PLXDC2: variants seen among roughly 807,000 people sequenced by gnomAD.
The protein encoded by PLXDC2 is plexin domain-containing protein 2.
Under a neutral mutation model 68.9 loss-of-function variants are expected in PLXDC2, and 40 were observed. The observed-to-expected ratio is 0.58, with a 90% CI of 0.45 to 0.76. The LOEUF (loss-of-function observed/expected upper bound fraction) is 0.76. Among genes scored for constraint, PLXDC2 ranks in the 30% least tolerant of loss-of-function variants. The pLI is 0.00. For missense variants in PLXDC2, 644 were observed against 661.9 expected (o/e 0.97, Z 0.30); for synonymous variants, 243 against 234.2 (o/e 1.04, Z -0.34).
Position 19,822,114 on chromosome 10 carries a change from A to G in PLXDC2, c.112+4923A>G, listed in dbSNP as rs572489390. On this transcript the variant is annotated intron_variant, in intron 1 of 13. Coordinates refer to ENST00000377252, the MANE Select transcript of PLXDC2 (RefSeq NM_032812.9). Reference sequence around the variant, plus strand: ...TAGCAAGATCTTCTTTTTTAAAGCTAAATAATATTCCATTGTGCATATATA... The same window carrying G: ...TAGCAAGATCTTCTTTTTTAAAGCTGAATAATATTCCATTGTGCATATATA... Among the ~76,000 whole-genome samples the G allele has an allele frequency of 2.6e-5, 4 of 151,402 alleles. No homozygotes were observed. In the East Asian group the frequency reaches 7.7e-4, roughly 29 times the overall value.
At chr10:19,856,366 A>G (rs1837212571) in intron 1 of PLXDC2, among the ~76,000 whole-genome samples, 1 of 133,400 alleles carries the variant, frequency 7.5e-6, no homozygotes, top group South Asian at 2.3e-4. Context: ...ACACACACAA[A>G]CACACACACA....
intron 13 of PLXDC2, among the ~76,000 whole-genome samples, chr10:20,264,305 G>C (rs1474319547): frequency 6.6e-6 from 1 of 152,050 alleles, no homozygotes; most frequent in Admixed American, 6.6e-5. Context: ...TAGACACTGG[G>C]GTCTGCTTGA....
chr10:19,909,088 C>T lies in PLXDC2; in HGVS notation c.112+91897C>T, dbSNP rs144413054. 1.1e-3 allele frequency among the ~76,000 whole-genome samples: 171 copies of T among 152,232 alleles called. 5 individuals carry two copies. The East Asian group carries it at 0.032, about 29-fold the overall frequency. ...CATTCTGGTGTGTATATCAACCTCT[C>T]ATGAATTTAGATAGTGTGAGTTACT... is the stretch of plus-strand genomic sequence containing the variant. On this transcript the variant is annotated intron_variant, in intron 1 of 13. Coordinates refer to ENST00000377252, the MANE Select transcript of PLXDC2 (RefSeq NM_032812.9).
intron 1 of PLXDC2, among the ~76,000 whole-genome samples, chr10:19,942,207 C>A (rs1833831399): frequency 6.6e-6 from 1 of 152,080 alleles, no homozygotes; most frequent in Non-Finnish European, 1.5e-5. Flanking sequence ...ATTAGAGATG[C>A]AGTTGAAAAG....
intron 12 of PLXDC2, among the ~76,000 whole-genome samples, chr10:20,220,010 C>A (rs6482103): frequency 0.87 from 131,713 of 152,094 alleles, 57,635 homozygotes; most frequent in Middle Eastern, 0.95. Flanking sequence ...CCTTTTTAGG[C>A]CATTGTTTAT....
At chr10:19,872,672 G>A (rs1265203825) in intron 1 of PLXDC2, among the ~76,000 whole-genome samples, 1 of 152,100 alleles carries the variant, frequency 6.6e-6, no homozygotes, top group African/African-American at 2.4e-5. Context: ...TTAAGAAACC[G>A]GGTGGGGCTC....
chr10:20,098,553 G>T (rs1833382735), intron 4 of PLXDC2, among the ~76,000 whole-genome samples: 1 of 152,098 alleles, frequency 6.6e-6, no homozygotes, highest in Non-Finnish European at 1.5e-5. Context: ...TGATTCCAGA[G>T]ATTAAGACAT....
intron 1 of PLXDC2, among the ~76,000 whole-genome samples, chr10:19,979,916 T>C (rs1175838091): frequency 6.6e-6 from 1 of 152,196 alleles, no homozygotes. Flanking sequence ...GGCATTCTGT[T>C]CATTTTCCTA....
chr10:20,039,049 A>G (rs898063495), intron 2 of PLXDC2, among the ~76,000 whole-genome samples: 3 of 152,192 alleles, frequency 2.0e-5, no homozygotes, highest in Non-Finnish European at 4.4e-5. Flanking sequence ...TTACCTCACT[A>G]AAGTGACAGC....
chr10:19,832,477 A>G (rs1836711848), intron 1 of PLXDC2, among the ~76,000 whole-genome samples: 1 of 152,244 alleles, frequency 6.6e-6, no homozygotes. Context: ...GAGATGATAC[A>G]TGTTACACAT....
chr10:19,881,842 T>A (rs1320011267), intron 1 of PLXDC2, among the ~76,000 whole-genome samples: 1 of 152,206 alleles, frequency 6.6e-6, no homozygotes. Context: ...GTCATGACAG[T>A]TCATATATTT....
At chr10:20,160,609 C>T (rs1275439789) in intron 6 of PLXDC2, among the ~76,000 whole-genome samples, 1 of 152,074 alleles carries the variant, frequency 6.6e-6, no homozygotes, top group African/African-American at 2.4e-5. Flanking sequence ...ATAGAAAACT[C>T]AGTACACCGT....
chr10:20,054,215 G>T (rs1359402224), intron 3 of PLXDC2, among the ~76,000 whole-genome samples: 1 of 151,982 alleles, frequency 6.6e-6, no homozygotes, highest in East Asian at 1.9e-4. Context: ...TACTGAAGGA[G>T]GGTCAGGATG....
At chr10:19,967,319 T>C (rs530529030) in intron 1 of PLXDC2, among the ~76,000 whole-genome samples, 2 of 152,180 alleles carry the variant, frequency 1.3e-5, no homozygotes, top group South Asian at 4.1e-4. Flanking sequence ...CACAGAAAGA[T>C]GGTAACAGTA....
rs72791902 is a variant in PLXDC2, at chr10:20,127,261, A to G, written c.542-16034A>G. Among the ~76,000 whole-genome samples the G allele has an allele frequency of 3.5e-3, 531 of 152,294 alleles. 2 individuals are homozygous for G. Among genetic ancestry groups the G allele is most frequent in the Non-Finnish European group, 5.5e-3 (376 of 68,016 alleles). On this transcript the variant is annotated intron_variant, in intron 4 of 13. Transcript: ENST00000377252. The stretch of plus-strand genomic sequence containing the variant: ...AAGACAGTGAAGAGATTGTCAGCAC[A>G]TTCAGGACATTGCGTGTTCTGATTT...
chr10:20,021,834 G>C (rs1270730964), intron 2 of PLXDC2, among the ~76,000 whole-genome samples: 5 of 152,034 alleles, frequency 3.3e-5, no homozygotes, highest in Non-Finnish European at 5.9e-5. Context: ...AAGTAGCTGG[G>C]ATTACAGGCA....
At chr10:19,961,190 G>C (rs1834149519) in intron 1 of PLXDC2, among the ~76,000 whole-genome samples, 1 of 152,186 alleles carries the variant, frequency 6.6e-6, no homozygotes, top group Non-Finnish European at 1.5e-5. Flanking sequence ...CCTGGAGATG[G>C]ATGTAACCCC....
At chr10:20,146,392 C>T (rs530200501) in intron 5 of PLXDC2, among the ~76,000 whole-genome samples, 2 of 149,610 alleles carry the variant, frequency 1.3e-5, no homozygotes, top group South Asian at 4.2e-4. Flanking sequence ...TCCTTTCTTT[C>T]TTCCTTGCTT....
intron 1 of PLXDC2, among the ~76,000 whole-genome samples, chr10:19,932,751 A>T (rs973569511): frequency 2.1e-5 from 3 of 140,518 alleles, no homozygotes; most frequent in African/African-American, 2.5e-5. Context: ...TATGGGAATT[A>T]AAAAAACCAC....
Sources: allele counts gnomAD v4.1 joint callset (sites outside exome capture counted in the v4.1 genomes callset), GRCh38; gene constraint gnomAD v4.1.1; transcripts MANE v1.5; gene names NCBI Gene and HGNC (gene_info 2026-07-23, HGNC 2026-07-21).